The following EGLN1 variants were observed in gnomAD, a reference collection of about 807,000 sequenced individuals.
EGLN1 encodes the protein egl nine homolog 1.
EGLN1 carries 17 observed loss-of-function variants against 38.3 expected under a neutral mutation model. The observed-to-expected ratio is 0.44, with a 90% CI of 0.30 to 0.67. The LOEUF (loss-of-function observed/expected upper bound fraction) is 0.67. Among genes scored for constraint, EGLN1 ranks in the 30% least tolerant of loss-of-function variants. The pLI is 0.08. For synonymous variants in EGLN1, 283 were observed against 257.5 expected (o/e 1.10, Z -0.95); for missense variants, 477 against 603.3 (o/e 0.79, Z 2.19).
intron 1 of EGLN1, among the ~76,000 whole-genome samples, chr1:231,416,358 G>A (rs993653792): frequency 4.6e-5 from 7 of 151,220 alleles, no homozygotes; most frequent in African/African-American, 1.7e-4. Context: ...CCTCCTCCAC[G>A]TAATTAAGGA....
chr1:231,404,158 T>C (rs1460700014), intron 1 of EGLN1, among the ~76,000 whole-genome samples: 1 of 152,108 alleles, frequency 6.6e-6, no homozygotes, highest in Admixed American at 6.6e-5. Flanking sequence ...TAGAAAAAAG[T>C]GTGGAACCTA....
In EGLN1 at chr1:231,364,802, G is replaced by A. The variant is rs1687596177; in HGVS notation, c.*1609C>T. 6.6e-6 allele frequency: 1 copy of A among 152,106 alleles called. No homozygotes were observed. Among genetic ancestry groups the A allele is most frequent in the African/African-American group, 2.4e-5 (1 of 41,400 alleles). 9.4% of individuals were successfully genotyped at this position (152,106 alleles called of 1,614,324 possible). ...AGGACAGAGATAGAAAACCTAAGTG[G>A]GCAAGGTCTTACACCCATAATTCAC... On this transcript the variant is annotated 3_prime_UTR_variant, in exon 5 of 5. Coordinates refer to ENST00000366641, the MANE Select transcript of EGLN1 (RefSeq NM_022051.3).
At chr1:231,407,447 A>G (rs1392639110) in intron 1 of EGLN1, among the ~76,000 whole-genome samples, 2 of 152,180 alleles carry the variant, frequency 1.3e-5, no homozygotes, top group African/African-American at 4.8e-5. Flanking sequence ...AGAAGCTTAA[A>G]ATTTTGCTCT....
intron 1 of EGLN1, among the ~76,000 whole-genome samples, chr1:231,381,325 G>A (rs906649680): frequency 4.0e-5 from 6 of 151,790 alleles, no homozygotes; most frequent in South Asian, 2.1e-4. Context: ...TTTTATTATC[G>A]GTACAGGAAG....
rs772684927 is a variant in EGLN1, at chr1:231,370,715, A to G, written c.1012-17T>C. On this transcript the variant is annotated splice_polypyrimidine_tract_variant and intron_variant, in intron 2 of 4. Coordinates refer to ENST00000366641, the MANE Select transcript of EGLN1 (RefSeq NM_022051.3). The stretch of plus-strand genomic sequence containing the variant: ...TCCACTTACCTAGGAAAAGAGCCAA[A>G]TATGTAAGCAGGAGTAACCAAAAAT... 6 of 1,613,980 alleles carry G rather than the reference A, an allele frequency of 3.7e-6. No homozygotes were observed. Among genetic ancestry groups the G allele is most frequent in the Non-Finnish European group, 1.7e-6 (2 of 1,180,002 alleles).
chr1:231,384,928 A>C (rs1264465348), intron 1 of EGLN1, among the ~76,000 whole-genome samples: 2 of 152,222 alleles, frequency 1.3e-5, no homozygotes, highest in Non-Finnish European at 2.9e-5. Context: ...CTTGACATAA[A>C]AAGTCTGCCA....
At chr1:231,377,475 G>A (rs1225842706) in intron 1 of EGLN1, among the ~76,000 whole-genome samples, 1 of 152,202 alleles carries the variant, frequency 6.6e-6, no homozygotes, top group African/African-American at 2.4e-5. Flanking sequence ...GCTAATGAGT[G>A]GAGAGTAAGA....
At position 231,388,550 on chromosome 1, in the gene EGLN1, C is replaced by A. The variant is rs118152908; in HGVS notation, c.892-14451G>T. Among the ~76,000 whole-genome samples, 1,112 of 151,958 alleles carry A rather than the reference C, an allele frequency of 7.3e-3. 8 individuals carry two copies. The highest frequency in any genetic ancestry group is 0.011 in the South Asian group (52 of 4,792). ...GGCAGTGGCGTGATCTTGGCTACTG[C>A]AACCTCTACCTCCCTGGTTCAAACA... On this transcript the variant is annotated intron_variant, in intron 1 of 4. Coordinates refer to ENST00000366641, the MANE Select transcript of EGLN1 (RefSeq NM_022051.3).
At chr1:231,369,446 C>A (rs1383231953) in intron 3 of EGLN1, 1 of 363,034 alleles carries the variant, frequency 2.8e-6, no homozygotes, top group Non-Finnish European at 3.8e-6. Flanking sequence ...AAAATCTTTA[C>A]AGAAGCAGCA....
At chr1:231,368,913 C>T (rs1687739293) in intron 3 of EGLN1, among the ~76,000 whole-genome samples, 1 of 151,992 alleles carries the variant, frequency 6.6e-6, no homozygotes. Context: ...TACCATGTGG[C>T]TTCTTCTACT....
At chr1:231,406,061 C>A (rs1688783684) in intron 1 of EGLN1, among the ~76,000 whole-genome samples, 1 of 114,030 alleles carries the variant, frequency 8.8e-6, no homozygotes, top group Non-Finnish European at 1.6e-5. Flanking sequence ...TTCAGGTAGG[C>A]TGAGGCAGGA....
chr1:231,416,146 T>A (rs557402360), intron 1 of EGLN1, among the ~76,000 whole-genome samples: 3 of 151,966 alleles, frequency 2.0e-5, no homozygotes, highest in South Asian at 2.1e-4. Context: ...CCACCGCACC[T>A]GGCCCCTTTC....
chr1:231,392,255 C>G (rs1187007964), intron 1 of EGLN1, among the ~76,000 whole-genome samples: 3 of 151,794 alleles, frequency 2.0e-5, no homozygotes, highest in Non-Finnish European at 4.4e-5. Flanking sequence ...CCACTGCACT[C>G]CAGCCTGGGC....
Position 231,422,132 on chromosome 1 carries a change from A to C in EGLN1, c.-244T>G. The C allele has an allele frequency of 5.9e-6, 2 of 336,784 alleles. No homozygotes were observed. The highest frequency in any genetic ancestry group is 5.3e-6 in the Non-Finnish European group (1 of 188,864). The allele number at this position is 336,784 out of a possible 1,614,324, so 20.9% of individuals were successfully genotyped here. A position where few individuals can be genotyped will look rare whatever the true frequency, so the allele number is the denominator to read the frequency against. On this transcript the variant is annotated 5_prime_UTR_variant, in exon 1 of 5. Coordinates refer to ENST00000366641, the MANE Select transcript of EGLN1 (RefSeq NM_022051.3). ...CTCATCGCCGCCGAGGGCTGAGAGA[A>C]TAGGGCCTGTGCGGCGAATGGCAAC...
rs565815209 is a variant in EGLN1 at position 231,416,006 on chromosome 1, AC to A, written c.891+4991del. On this transcript the variant is annotated intron_variant, in intron 1 of 4. Coordinates refer to ENST00000366641, the MANE Select transcript of EGLN1 (RefSeq NM_022051.3). ...GGGACTAAAAGGCATGCAACACTACACCCAGCTTATTTTTGTATTTTTAGTA... is the reference window on the plus strand; with the variant it reads ...GGGACTAAAAGGCATGCAACACTACACCAGCTTATTTTTGTATTTTTAGTA... Among the ~76,000 whole-genome samples, 327 of 151,848 alleles carry A rather than the reference AC, an allele frequency of 2.2e-3. 1 individual carries two copies. Among genetic ancestry groups the A allele is most frequent in the African/African-American group, 7.5e-3 (309 of 41,420 alleles).
rs1687618910 is a variant in EGLN1 at position 231,365,475 on chromosome 1, TA to T, written c.*935del. 1 of 152,066 alleles carries T rather than the reference TA, an allele frequency of 6.6e-6. No homozygotes were observed. The highest frequency in any genetic ancestry group is 1.5e-5 in the Non-Finnish European group (1 of 68,016). The allele number at this position is 152,066 out of a possible 1,614,324, so 9.4% of individuals were successfully genotyped here. On this transcript the variant is annotated 3_prime_UTR_variant, in exon 5 of 5. Coordinates refer to ENST00000366641, the MANE Select transcript of EGLN1 (RefSeq NM_022051.3). ...CAACATGGCAAAACCCCGTCTCTAC[TA>T]AACATACAAAAATTAGTCAGGCATG... is the stretch of plus-strand genomic sequence containing the variant.
Position 231,365,067 on chromosome 1 carries a change from T to C in EGLN1, c.*1344A>G, listed in dbSNP as rs1687604257. On this transcript the variant is annotated 3_prime_UTR_variant, in exon 5 of 5. Transcript: ENST00000366641. ...CATCTTTCAGTACAGGTAAGAAGGC[T>C]GGCATCACATCTGGGAAATGCCTTA... The C allele has an allele frequency of 6.6e-6, 1 of 152,240 alleles. No homozygotes were observed. The highest frequency in any genetic ancestry group is 2.4e-5 in the African/African-American group (1 of 41,456). 9.4% of individuals were successfully genotyped at this position (152,240 alleles called of 1,614,324 possible). A position where few individuals can be genotyped will look rare whatever the true frequency, so the allele number is the denominator to read the frequency against.
intron 4 of EGLN1, among the ~76,000 whole-genome samples, chr1:231,366,933 TAAAGA>T (rs1423107594): frequency 1.3e-5 from 2 of 152,178 alleles, no homozygotes; most frequent in African/African-American, 4.8e-5. Context: ...AAAGTAGAGT[TAAAGA>T]AAAGAAGGTA....
At chr1:231,382,961 G>A (rs1379236419) in intron 1 of EGLN1, among the ~76,000 whole-genome samples, 4 of 151,224 alleles carry the variant, frequency 2.6e-5, no homozygotes, top group African/African-American at 9.8e-5. Context: ...GGGAGGCTGA[G>A]GCAGGAGAAT....
Sources: gnomAD v4.1 joint callset for allele counts (sites outside exome capture counted in the v4.1 genomes callset) on GRCh38, gnomAD v4.1.1 for gene constraint, MANE v1.5 for transcripts, NCBI Gene and HGNC (gene_info 2026-07-23, HGNC 2026-07-21) for gene names.